The following ANKRD6 variants were observed in gnomAD, a reference collection of about 807,000 sequenced individuals.
ANKRD6 encodes ankyrin repeat domain 6.
A neutral mutation model predicts 82.3 loss-of-function variants in ANKRD6; 56 were observed. That is an observed-to-expected ratio of 0.68 (90% confidence interval 0.55 to 0.85). The LOEUF is 0.85. Among genes scored for constraint, ANKRD6 ranks in the 40% least tolerant of loss-of-function variants. The pLI is 0.00. For missense variants in ANKRD6, 852 were observed against 907.6 expected (o/e 0.94, Z 0.79); for synonymous variants, 347 against 352.1 (o/e 0.99, Z 0.16).
chr6:89,623,674 AATT>A (rs1804493207), intron 11 of ANKRD6, 130 bp downstream of exon 11: 1 of 1,380,232 alleles, frequency 7.2e-7, no homozygotes, highest in Non-Finnish European at 9.7e-7. Context: ...AGAGCACAGA[AATT>A]AAATCTGGCT....
chr6:89,433,859 G>C lies in ANKRD6; in HGVS notation c.-144+484G>C, dbSNP rs1298137521. ...GCAGGAGAGGGGCCGATACCCCTCA[G>C]GAGCCCCATCGGCGAAGCCTCAGCA... is the stretch of plus-strand genomic sequence containing the variant. On this transcript the variant is annotated intron_variant, in intron 1 of 15. Coordinates refer to ENST00000339746, the MANE Select transcript of ANKRD6 (RefSeq NM_001242809.2). This position sits in a 1 kb window ranked among gnomAD's most constrained non-coding sequence, Gnocchi z 4.3. Among the ~76,000 whole-genome samples the C allele has an allele frequency of 6.6e-6, 1 of 152,230 alleles. No individual in the cohort carries two copies. The highest frequency in any genetic ancestry group is 1.5e-5 in the Non-Finnish European group (1 of 68,040).
intron 2 of ANKRD6, among the ~76,000 whole-genome samples, chr6:89,587,708 G>A (rs1794059336): frequency 6.6e-6 from 1 of 152,098 alleles, no homozygotes; most frequent in African/African-American, 2.4e-5. Flanking sequence ...TTTAAAATTA[G>A]CCTATTCCAA....
At chr6:89,574,131 C>T (rs1467662940) in intron 2 of ANKRD6, among the ~76,000 whole-genome samples, 1 of 152,190 alleles carries the variant, frequency 6.6e-6, no homozygotes, top group Non-Finnish European at 1.5e-5. Flanking sequence ...GGCACCTGTT[C>T]TGCTGCTTAT....
intron 1 of ANKRD6, among the ~76,000 whole-genome samples, chr6:89,470,091 G>A (rs1328254622): frequency 2.0e-5 from 3 of 152,152 alleles, no homozygotes; most frequent in Admixed American, 2.0e-4. Context: ...CCATCACCCA[G>A]AGATAAATTA....
chr6:89,625,229 G>A (rs1805217640), intron 13 of ANKRD6, among the ~76,000 whole-genome samples: 1 of 151,948 alleles, frequency 6.6e-6, no homozygotes, highest in African/African-American at 2.4e-5. Context: ...GTTGTAGTGA[G>A]CAGAGATCAT....
intron 5 of ANKRD6, among the ~76,000 whole-genome samples, chr6:89,606,881 C>T (rs1003853171): frequency 4.6e-5 from 7 of 151,546 alleles, no homozygotes; most frequent in Non-Finnish European, 1.0e-4. Context: ...GGGGGTGGGC[C>T]TTTTTTGGCC....
intron 1 of ANKRD6, among the ~76,000 whole-genome samples, chr6:89,515,478 T>C (rs1185304154): frequency 6.6e-6 from 1 of 152,262 alleles, no homozygotes; most frequent in Non-Finnish European, 1.5e-5. Context: ...CTTTTCTGGT[T>C]GTTACTGGTG....
intron 1 of ANKRD6, among the ~76,000 whole-genome samples, chr6:89,449,459 CTT>C (rs899760502): frequency 2.2e-4 from 34 of 152,156 alleles, no homozygotes; most frequent in Non-Finnish European, 4.7e-4. Flanking sequence ...GATGAAATCA[CTT>C]TTTGTCAGAC....
At chr6:89,505,644 A>G (rs1177719254) in intron 1 of ANKRD6, among the ~76,000 whole-genome samples, 2 of 152,162 alleles carry the variant, frequency 1.3e-5, no homozygotes, top group African/African-American at 4.8e-5. Flanking sequence ...CAGAAAACCC[A>G]CCCATTTTGT....
chr6:89,455,964 C>T (rs1773462333), intron 1 of ANKRD6, among the ~76,000 whole-genome samples: 1 of 152,136 alleles, frequency 6.6e-6, no homozygotes, highest in South Asian at 2.1e-4. Flanking sequence ...ACCTCCACCT[C>T]CCAGGTTCAA....
chr6:89,540,044 T>C (rs1185050881), intron 1 of ANKRD6, among the ~76,000 whole-genome samples: 1 of 152,194 alleles, frequency 6.6e-6, no homozygotes, highest in Admixed American at 6.5e-5. Flanking sequence ...TGATGGACAC[T>C]TAGGTTGCTT....
intron 1 of ANKRD6, among the ~76,000 whole-genome samples, chr6:89,505,894 G>C (rs1390417459): frequency 6.6e-6 from 1 of 152,194 alleles, no homozygotes; most frequent in African/African-American, 2.4e-5. Context: ...TAATAAAGGA[G>C]AGCCTGCCAT....
chr6:89,552,529 AAAG>A (rs1471399274), intron 1 of ANKRD6, among the ~76,000 whole-genome samples: 1 of 152,216 alleles, frequency 6.6e-6, no homozygotes, highest in Non-Finnish European at 1.5e-5. Context: ...TGGGAACTAT[AAAG>A]AAGAGGTGAA....
intron 1 of ANKRD6, among the ~76,000 whole-genome samples, chr6:89,434,323 G>GA (rs1770352500): frequency 6.6e-6 from 1 of 152,218 alleles, no homozygotes; most frequent in Non-Finnish European, 1.5e-5. Context: ...TTGCGAACCT[G>GA]TTGGATGTTG....
chr6:89,541,180 G>A (rs1784409865), intron 1 of ANKRD6, among the ~76,000 whole-genome samples: 1 of 151,818 alleles, frequency 6.6e-6, no homozygotes, highest in Non-Finnish European at 1.5e-5. Context: ...TTGGTATTTT[G>A]ATAAGGATTA....
chr6:89,622,079 G>C (rs1803587041), intron 10 of ANKRD6, 53 bp downstream of exon 10: 1 of 1,531,620 alleles, frequency 6.5e-7, no homozygotes, highest in East Asian at 2.3e-5. Context: ...CAGAGGGTGG[G>C]AAACTATCTC....
In ANKRD6 at chr6:89,486,979, G is replaced by A. The variant is rs139504325; in HGVS notation, c.-144+53604G>A. Among the ~76,000 whole-genome samples the A allele has an allele frequency of 1.8e-3, 278 of 152,248 alleles. 1 individual carries two copies. Among genetic ancestry groups the A allele is most frequent in the African/African-American group, 6.3e-3 (263 of 41,556 alleles). On this transcript the variant is annotated intron_variant, in intron 1 of 15. Transcript: ENST00000339746. The stretch of plus-strand genomic sequence containing the variant: ...GTTTAAACATATGAATTTGGGGTTG[G>A]GGGGTGGACACAAACATTCAGTCCA...
chr6:89,479,493 CT>C (rs1483805364), intron 1 of ANKRD6, among the ~76,000 whole-genome samples: 6 of 152,220 alleles, frequency 3.9e-5, no homozygotes, highest in African/African-American at 1.4e-4. Flanking sequence ...AGCAGTCCCC[CT>C]AATGTTCTGT....
rs373783227 is a variant in ANKRD6, at chr6:89,623,972, G to A, written c.1133G>A (p.Arg378Gln). 1.0e-4 allele frequency: 164 copies of A among 1,613,664 alleles called. No individual in the cohort carries two copies. The highest frequency in any genetic ancestry group is 4.7e-4 in the East Asian group (21 of 44,888). The part of the protein sequence containing the change: ...HNHPKKRNRH[R>Q]CSSPPPPHEF... ...CACCCTAAAAAGAGGAACAGGCATC[G>A]GTGTTCATCCCCACCCCCACCCCAT... Residue 378 changes from arginine to glutamine, a missense_variant, in exon 12 of 16, where the codon CGG (arginine) becomes CAG (glutamine). Arg to Gln is a conservative substitution (Grantham distance 43). Coordinates refer to ENST00000339746, the MANE Select transcript of ANKRD6 (RefSeq NM_001242809.2).
Sources: gnomAD v4.1 joint callset for allele counts (sites outside exome capture counted in the v4.1 genomes callset) on GRCh38, gnomAD v4.1.1 for gene constraint, Gnocchi (gnomAD v3.1) non-coding constraint, MANE v1.5 for transcripts, NCBI Gene and HGNC (gene_info 2026-07-23, HGNC 2026-07-21) for gene names.